The following PRKAA2 variants were observed in gnomAD, a reference collection of about 807,000 sequenced individuals.
The protein encoded by PRKAA2 is protein kinase AMP-activated catalytic subunit alpha 2.
Under a neutral mutation model 56.3 loss-of-function variants are expected in PRKAA2, and 40 were observed. The ratio of observed to expected loss-of-function variants is 0.71; its 90% CI spans 0.55 to 0.92. PRKAA2 has a LOEUF of 0.92. Ranked by LOEUF, PRKAA2 falls within the 40% of genes least tolerant of loss-of-function variation. PRKAA2 has a pLI of 0.00. For synonymous variants in PRKAA2, 214 were observed against 234.2 expected (o/e 0.91, Z 0.79); for missense variants, 542 against 686.9 (o/e 0.79, Z 2.36).
chr1:56,694,731 C>T (rs1170554288), intron 5 of PRKAA2, among the ~76,000 whole-genome samples: 4 of 151,926 alleles, frequency 2.6e-5, no homozygotes, highest in Non-Finnish European at 5.9e-5. Flanking sequence ...GACCTAATCA[C>T]CCCCCTTAAG....
intron 1 of PRKAA2, among the ~76,000 whole-genome samples, chr1:56,651,179 C>T (rs1157952329): frequency 6.6e-6 from 1 of 151,744 alleles, no homozygotes; most frequent in Non-Finnish European, 1.5e-5. Context: ...GATTTAACTC[C>T]AAAAAAATGG....
At chr1:56,655,977 G>C (rs1643938278) in intron 1 of PRKAA2, among the ~76,000 whole-genome samples, 1 of 152,102 alleles carries the variant, frequency 6.6e-6, no homozygotes, top group Non-Finnish European at 1.5e-5. Context: ...GGTTTGTAGG[G>C]GATGCAGATA....
intron 6 of PRKAA2, among the ~76,000 whole-genome samples, chr1:56,698,795 C>T (rs749195259): frequency 1.3e-5 from 2 of 152,068 alleles, no homozygotes; most frequent in South Asian, 2.1e-4. Flanking sequence ...TAACCATTTT[C>T]GCTTTTATTC....
intron 8 of PRKAA2, among the ~76,000 whole-genome samples, chr1:56,706,595 C>T (rs149476363): frequency 1.3e-5 from 2 of 152,346 alleles, no homozygotes; most frequent in African/African-American, 4.8e-5. Flanking sequence ...TCCTTCATCA[C>T]CTTTCCTCAT....
At chr1:56,687,583 T>G (rs1293581331) in intron 2 of PRKAA2, among the ~76,000 whole-genome samples, 1 of 151,998 alleles carries the variant, frequency 6.6e-6, no homozygotes, top group African/African-American at 2.4e-5. Context: ...TTTGTCTGAG[T>G]GATGGGTTTG....
chr1:56,676,449 C>T (rs1033481528), intron 2 of PRKAA2, among the ~76,000 whole-genome samples: 1 of 152,178 alleles, frequency 6.6e-6, no homozygotes, highest in Non-Finnish European at 1.5e-5. Flanking sequence ...TGCAGGCAGT[C>T]TCTACAAGCT....
intron 2 of PRKAA2, among the ~76,000 whole-genome samples, chr1:56,683,749 A>G (rs1356361965): frequency 1.3e-5 from 2 of 152,164 alleles, no homozygotes. Flanking sequence ...AAGAGCAAAT[A>G]CAAAGGAAAG....
intron 2 of PRKAA2, among the ~76,000 whole-genome samples, chr1:56,685,856 T>A (rs1295326023): frequency 6.6e-6 from 1 of 152,226 alleles, no homozygotes; most frequent in Non-Finnish European, 1.5e-5. Context: ...ATGAGCCAAT[T>A]ACAATATATT....
intron 1 of PRKAA2, among the ~76,000 whole-genome samples, chr1:56,663,840 C>T (rs1644013453): frequency 6.6e-6 from 1 of 152,176 alleles, no homozygotes; most frequent in African/African-American, 2.4e-5. Flanking sequence ...TGGCTAACCC[C>T]TATAATCCCA....
At chr1:56,660,424 G>A (rs1643984909) in intron 1 of PRKAA2, among the ~76,000 whole-genome samples, 1 of 152,068 alleles carries the variant, frequency 6.6e-6, no homozygotes, top group South Asian at 2.1e-4. Flanking sequence ...ACTAACCTTA[G>A]TATATCTGAT....
Position 56,710,510 on chromosome 1 carries a change from T to C in PRKAA2, c.*2797T>C, listed in dbSNP as rs1315313818. The C allele has an allele frequency of 6.6e-6, 1 of 152,126 alleles. No individual in the cohort carries two copies. Among genetic ancestry groups the C allele is most frequent in the Admixed American group, 6.6e-5 (1 of 15,262 alleles). The allele number at this position is 152,126 out of a possible 1,614,324, so 9.4% of individuals were successfully genotyped here. On this transcript the variant is annotated 3_prime_UTR_variant, in exon 9 of 9. Coordinates refer to ENST00000371244, the MANE Select transcript of PRKAA2 (RefSeq NM_006252.4). ...AAAGCAAATTTGGGAAATACATTTT[T>C]TAGGAAAATACTGTCCCAGAATGCC...
intron 2 of PRKAA2, among the ~76,000 whole-genome samples, chr1:56,679,192 C>G (rs1644136048): frequency 6.6e-6 from 1 of 152,130 alleles, no homozygotes; most frequent in Non-Finnish European, 1.5e-5. Flanking sequence ...TTGATGCAGT[C>G]AAGTACACTG....
intron 5 of PRKAA2, among the ~76,000 whole-genome samples, chr1:56,694,422 A>G (rs745464005): frequency 2.3e-4 from 35 of 152,318 alleles, no homozygotes; most frequent in South Asian, 2.3e-3. Flanking sequence ...ACAGAATCCT[A>G]TAAGAGAAAA....
At position 56,696,708 on chromosome 1, in the gene PRKAA2, A is replaced by C. The variant is rs935758615; in HGVS notation, c.788+549A>C. 4.9e-4 allele frequency among the ~76,000 whole-genome samples: 74 copies of C among 152,230 alleles called. 1 individual carries two copies. The highest frequency in any genetic ancestry group is 1.7e-3 in the African/African-American group (72 of 41,472). ...TTACATATGGTTAAAGACATAAAGC[A>C]TAAAAAGTTTTGCTAAGTTTTTGAA... On this transcript the variant is annotated intron_variant, in intron 6 of 8. Coordinates refer to ENST00000371244, the MANE Select transcript of PRKAA2 (RefSeq NM_006252.4).
chr1:56,672,083 AGAG>A (rs1446873533), intron 1 of PRKAA2, among the ~76,000 whole-genome samples: 3 of 152,082 alleles, frequency 2.0e-5, no homozygotes, highest in East Asian at 1.9e-4. Context: ...TTGGTGAAGA[AGAG>A]GAGGAGAATG....
Position 56,645,349 on chromosome 1 carries a change from G to C in PRKAA2, c.-39G>C, listed in dbSNP as rs1569689115. On this transcript the variant is annotated 5_prime_UTR_variant, in exon 1 of 9. Coordinates refer to ENST00000371244, the MANE Select transcript of PRKAA2 (RefSeq NM_006252.4). ...TAGGCGGCGGCGGCGGCGGCTACGCGGAGCGGCAGGCGGTGGAGCGAGGCC... is the reference window on the plus strand; with the variant it reads ...TAGGCGGCGGCGGCGGCGGCTACGCCGAGCGGCAGGCGGTGGAGCGAGGCC... 4 of 1,421,014 alleles carry C rather than the reference G, an allele frequency of 2.8e-6. No homozygotes were observed. The highest frequency in any genetic ancestry group is 3.7e-6 in the Non-Finnish European group (4 of 1,072,932). The allele number at this position is 1,421,014 out of a possible 1,614,324, so 88.0% of individuals were successfully genotyped here.
rs139935608 is a variant in PRKAA2, at chr1:56,677,488, C to G, written c.236+2966C>G. 1.5e-4 allele frequency among the ~76,000 whole-genome samples: 23 copies of G among 152,276 alleles called. 2 individuals are homozygous for G. In the East Asian group the frequency reaches 4.1e-3, roughly 27 times the overall value. The stretch of plus-strand genomic sequence containing the variant: ...TTTCCATATTTGCCTTATACCTTGA[C>G]CTCATCACTTTTACAATGCCAACCC... On this transcript the variant is annotated intron_variant, in intron 2 of 8. Transcript: ENST00000371244.
chr1:56,704,248 G>A lies in PRKAA2; in HGVS notation c.1066G>A (p.Ala356Thr). The A allele has an allele frequency of 6.2e-7, 1 of 1,614,072 alleles. No individual in the cohort carries two copies. Among genetic ancestry groups the A allele is most frequent in the Non-Finnish European group, 8.5e-7 (1 of 1,179,996 alleles). ...ATCTGGTTCTTTTATGGATGATAGT[G>A]CCATGCATATTCCCCCAGGCCTGAA... ...PPSGSFMDDS[A>T]MHIPPGLKPH... The change falls in exon 7 of 9, where the codon GCC becomes ACC. Residue 356 changes from alanine to threonine, a missense_variant. By Grantham distance (58) the Ala-to-Thr change is moderately conservative (BLOSUM62 0). This residue lies in a region of PRKAA2 where 198 missense variants were observed against 234.0 expected (regional missense o/e 0.85). Transcript: ENST00000371244.
chr1:56,697,180 AT>A (rs1486857924), intron 6 of PRKAA2, among the ~76,000 whole-genome samples: 1 of 150,648 alleles, frequency 6.6e-6, no homozygotes, highest in Non-Finnish European at 1.5e-5. Context: ...CACCCAGCTA[AT>A]TTTTTTTAAT....
Sources: allele counts gnomAD v4.1 joint callset (sites outside exome capture counted in the v4.1 genomes callset), GRCh38; gene constraint gnomAD v4.1.1; regional missense constraint gnomAD v4.1.1; transcripts MANE v1.5; gene names NCBI Gene and HGNC (gene_info 2026-07-23, HGNC 2026-07-21).